Variants in PVALEF observed in about 807,000 individuals in gnomAD.
PVALEF encodes parvalbumin like EF-hand containing.
Under a neutral mutation model 1.2 loss-of-function variants are expected in PVALEF, and 2 were observed. That is an observed-to-expected ratio of 1.68 (90% CI 0.69 to 5.28). The LOEUF is 5.28. PVALEF is among the 30% of genes most tolerant of loss of function. The pLI is 0.06. For synonymous variants in PVALEF, 16 were observed against 6.5 expected (o/e 2.47, Z -2.24); for missense variants, 35 against 17.7 (o/e 1.97, Z -1.75).
intron 2 of PVALEF, among the ~76,000 whole-genome samples, chr17:81,170,353 G>A (rs1055200437): frequency 5.9e-5 from 9 of 151,456 alleles, no homozygotes; most frequent in East Asian, 1.9e-4. Flanking sequence ...GTGTAGGTGC[G>A]TGTGTGTCTG....
Position 81,177,240 on chromosome 17 carries a change from CAAAAAAA to C in PVALEF, c.-339-1662_-339-1656del, listed in dbSNP as rs1163157496. The stretch of plus-strand genomic sequence containing the variant: ...CCGCACCAGGCTTGAAACTCCATCT[CAAAAAAA>C]AAAAAAAAAAAAAAAGGCAGCCGGG... On this transcript the variant is annotated intron_variant, in intron 2 of 6. Transcript: ENST00000637878. Among the ~76,000 whole-genome samples the C allele has an allele frequency of 1.4e-4, 10 of 74,014 alleles. No individual in the cohort carries two copies. In the Admixed American group the frequency reaches 1.4e-3, roughly 10 times the overall value. The allele number at this position is 74,014 out of a possible 152,430, so 48.6% of individuals were successfully genotyped here.
chr17:81,180,411 G>T (rs554630170), intron 3 of PVALEF, among the ~76,000 whole-genome samples: 1 of 152,272 alleles, frequency 6.6e-6, no homozygotes, highest in African/African-American at 2.4e-5. Context: ...GTGGGGCGGG[G>T]CCTGTCCTGA....
intron 2 of PVALEF, among the ~76,000 whole-genome samples, chr17:81,174,765 C>A (rs1354476587): frequency 5.3e-5 from 8 of 151,950 alleles, no homozygotes. Flanking sequence ...CTGGCTAACA[C>A]AGTGAAACCC....
chr17:81,171,296 C>T (rs1040540161), intron 2 of PVALEF, among the ~76,000 whole-genome samples: 1 of 152,126 alleles, frequency 6.6e-6, no homozygotes, highest in African/African-American at 2.4e-5. Context: ...AGGGCAGGTG[C>T]TGGTTCCGGG....
At chr17:81,179,529 G>A (rs2061546626) in intron 3 of PVALEF, among the ~76,000 whole-genome samples, 1 of 152,212 alleles carries the variant, frequency 6.6e-6, no homozygotes, top group South Asian at 2.1e-4. Flanking sequence ...CAGGCTCTAA[G>A]TGGGGATGGA....
Position 81,171,728 on chromosome 17 carries a change from G to A in PVALEF, c.-340+4884G>A, listed in dbSNP as rs183026918. Among the ~76,000 whole-genome samples the A allele has an allele frequency of 1.7e-3, 263 of 152,162 alleles. 9 individuals are homozygous for A. The East Asian group carries it at 0.043, about 25-fold the overall frequency. ...AGGATGGTCTCGATCTCCTGACCTC[G>A]TGATCCGCCCACCTCAGCCTCCCAA... On this transcript the variant is annotated intron_variant, in intron 2 of 6. Coordinates refer to ENST00000637878, the MANE Select transcript of PVALEF (RefSeq NM_001354639.2).
chr17:81,177,038 TGCCTCA>T (rs1349861224), intron 2 of PVALEF, among the ~76,000 whole-genome samples: 1 of 150,890 alleles, frequency 6.6e-6, no homozygotes, highest in Non-Finnish European at 1.5e-5. Flanking sequence ...GCGATTCTGC[TGCCTCA>T]GCCTCCCAAG....
intron 3 of PVALEF, among the ~76,000 whole-genome samples, chr17:81,179,720 G>A (rs2061547242): frequency 6.6e-6 from 1 of 152,150 alleles, no homozygotes; most frequent in South Asian, 2.1e-4. Flanking sequence ...GAGACTGGGT[G>A]GCAGAGGCTA....
rs930557411 is a variant in PVALEF at position 81,178,962 on chromosome 17, A to G, written c.-295A>G. 1.0e-5 allele frequency: 4 copies of G among 398,892 alleles called. No individual in the cohort carries two copies. The highest frequency in any genetic ancestry group is 1.5e-5 in the Non-Finnish European group (3 of 194,964). The allele number at this position is 398,892 out of a possible 1,614,324, so 24.7% of individuals were successfully genotyped here. A position where few individuals can be genotyped will look rare whatever the true frequency, so the allele number is the denominator to read the frequency against. On this transcript the variant is annotated 5_prime_UTR_variant, in exon 3 of 7. Coordinates refer to ENST00000637878, the MANE Select transcript of PVALEF (RefSeq NM_001354639.2). Reference sequence around the variant, plus strand: ...TGCTAAGGGTCAGTCTGCCCAGACCAGTGTGGACACACCAAGTGCCTGCGA... The same window carrying G: ...TGCTAAGGGTCAGTCTGCCCAGACCGGTGTGGACACACCAAGTGCCTGCGA...
At chr17:81,166,444 G>T (rs2061492351) in intron 1 of PVALEF, among the ~76,000 whole-genome samples, 1 of 113,726 alleles carries the variant, frequency 8.8e-6, no homozygotes, top group Admixed American at 8.4e-5. Context: ...CACGGAGTGG[G>T]GGGATGGTCC....
intron 2 of PVALEF, among the ~76,000 whole-genome samples, chr17:81,172,001 G>A (rs988297579): frequency 1.3e-5 from 2 of 152,152 alleles, no homozygotes; most frequent in South Asian, 2.1e-4. Context: ...CAGTCCCCAT[G>A]GACCGGCCCA....
rs750191764 is a variant in PVALEF, at chr17:81,165,537, C to T, written c.-718C>T. On this transcript the variant is annotated 5_prime_UTR_variant, in exon 1 of 7. Coordinates refer to ENST00000637878, the MANE Select transcript of PVALEF (RefSeq NM_001354639.2). ...GCTCCCAGCCTGGGAAGAAGCCTCC[C>T]ACGCCAGGGCCCCGGACCCAGGAGA... is the stretch of plus-strand genomic sequence containing the variant. The T allele has an allele frequency of 2.0e-4, 178 of 885,510 alleles. No homozygotes were observed. The highest frequency in any genetic ancestry group is 2.7e-4 in the Non-Finnish European group (171 of 624,094). The allele number at this position is 885,510 out of a possible 1,614,324, so 54.9% of individuals were successfully genotyped here.
rs1393389097 is a variant in PVALEF, at chr17:81,181,228, TGGA to T, written c.9_11del (p.Glu3?). ...ACTCCCTATCCACCCAGGACCAGGA[TGGA>T]GGAGGACTTCTCCTCCCAGATGAAG... On this transcript the variant is annotated start_lost and inframe_deletion, in exon 4 of 7. Coordinates refer to ENST00000637878, the MANE Select transcript of PVALEF (RefSeq NM_001354639.2). 2.8e-6 allele frequency: 2 copies of T among 702,948 alleles called. No homozygotes were observed. The highest frequency in any genetic ancestry group is 1.5e-5 in the South Asian group (1 of 67,368). 43.5% of individuals were successfully genotyped at this position (702,948 alleles called of 1,614,324 possible).
chr17:81,166,173 G>C (rs546027734), intron 1 of PVALEF: 48 of 189,724 alleles, frequency 2.5e-4, no homozygotes, highest in African/African-American at 1.1e-3. Flanking sequence ...GGCGACAGAC[G>C]AGGCGCTCCG....
rs556479179 is a variant in PVALEF at position 81,181,315 on chromosome 17, C to A, written c.89C>A (p.Thr30Lys). 3 of 691,468 alleles carry A rather than the reference C, an allele frequency of 4.3e-6. No homozygotes were observed. The South Asian group carries it at 4.6e-5, about 11-fold the overall frequency. The allele number at this position is 691,468 out of a possible 1,614,324, so 42.8% of individuals were successfully genotyped here. Residue 30 changes from threonine (T) to lysine (K), a missense_variant, in exon 4 of 7, where the codon ACA becomes AAA. By Grantham distance (78) the Thr-to-Lys change is moderately conservative. Transcript: ENST00000637878. Reference protein sequence around the residue: ...LSDKDIELLPTDMRHHGSFNY... With the variant: ...LSDKDIELLPKDMRHHGSFNY... ...GACAAGGACATTGAGCTGCTGCCCA[C>A]AGACATGAGACACCACGGTACAGCA...
chr17:81,167,560 C>T (rs1158836705), intron 2 of PVALEF, among the ~76,000 whole-genome samples: 2 of 152,212 alleles, frequency 1.3e-5, no homozygotes, highest in South Asian at 2.1e-4. Flanking sequence ...GCTTGGGCCA[C>T]GGGGCAGATG....
intron 2 of PVALEF, among the ~76,000 whole-genome samples, chr17:81,168,800 G>A (rs2061508216): frequency 6.6e-6 from 1 of 152,258 alleles, no homozygotes; most frequent in Admixed American, 6.5e-5. Flanking sequence ...GAGCCTGGGG[G>A]TCTGGGGATT....
intron 2 of PVALEF, among the ~76,000 whole-genome samples, chr17:81,167,697 A>G (rs1166133923): frequency 6.6e-6 from 1 of 152,220 alleles, no homozygotes; most frequent in Non-Finnish European, 1.5e-5. Flanking sequence ...GTAGGAGACA[A>G]GACACCAACT....
At chr17:81,165,920 G>A (rs763017071) in intron 1 of PVALEF, 173 bp downstream of exon 1, 11 of 1,571,844 alleles carry the variant, frequency 7.0e-6, no homozygotes, top group African/African-American at 5.4e-5. Flanking sequence ...CGCGCAGGCC[G>A]GGCCGCCAGG....
Sources: gnomAD v4.1 joint callset for allele counts (sites outside exome capture counted in the v4.1 genomes callset) on GRCh38, gnomAD v4.1.1 for gene constraint, MANE v1.5 for transcripts, NCBI Gene and HGNC (gene_info 2026-07-23, HGNC 2026-07-21) for gene names.